The following NDST1 variants were observed in gnomAD, a reference collection of about 807,000 sequenced individuals.
NDST1 encodes the protein N-deacetylase and N-sulfotransferase 1.
NDST1 carries 35 observed loss-of-function variants against 92.8 expected under a neutral mutation model. The observed-to-expected ratio is 0.38, with a 90% CI of 0.29 to 0.50. The LOEUF (loss-of-function observed/expected upper bound fraction) is 0.50, where lower values mean the gene tolerates loss of function less well. Ranked by LOEUF, NDST1 falls within the 20% of genes least tolerant of loss-of-function variation. The pLI is 0.94. For missense variants in NDST1, 822 were observed against 1,182.7 expected (o/e 0.69, Z 4.47); for synonymous variants, 493 against 500.3 (o/e 0.99, Z 0.19).
chr5:150,524,156 TG>T lies in NDST1; in HGVS notation c.513+2392del, dbSNP rs572952272. On this transcript the variant is annotated intron_variant, in intron 2 of 14. Coordinates refer to ENST00000261797, the MANE Select transcript of NDST1 (RefSeq NM_001543.5). The stretch of plus-strand genomic sequence containing the variant: ...TCTGTCATTTAGAAACAGAGTGACT[TG>T]GGTAAAATGCTCAACTCATCTGCAA... Among the ~76,000 whole-genome samples the T allele has an allele frequency of 1.2e-4, 18 of 152,252 alleles. No individual in the cohort carries two copies. In the East Asian group the frequency reaches 3.3e-3, roughly 28 times the overall value.
chr5:150,510,168 A>G (rs1196953851), intron 1 of NDST1, among the ~76,000 whole-genome samples: 11 of 152,218 alleles, frequency 7.2e-5, no homozygotes, highest in Non-Finnish European at 1.5e-5. Flanking sequence ...TAAAGTGCTC[A>G]TAGCAGTGAC....
In NDST1 at chr5:150,556,801, C is replaced by T. The variant is rs2151310215; in HGVS notation, c.*3469C>T. Reference sequence around the variant, plus strand: ...TGTATTCAAATCCCCCCAATTGTCTCCCAGGTAACTTATGTGTCTGGTTTT... The same window carrying T: ...TGTATTCAAATCCCCCCAATTGTCTTCCAGGTAACTTATGTGTCTGGTTTT... On this transcript the variant is annotated 3_prime_UTR_variant, in exon 15 of 15. Transcript: ENST00000261797. The T allele has an allele frequency of 6.5e-6, 1 of 152,712 alleles. No individual in the cohort carries two copies. The highest frequency in any genetic ancestry group is 1.5e-5 in the Non-Finnish European group (1 of 68,042). 9.5% of individuals were successfully genotyped at this position (152,712 alleles called of 1,614,324 possible). A position where few individuals can be genotyped will look rare whatever the true frequency, so the allele number is the denominator to read the frequency against.
At chr5:150,549,304 G>A (rs1166315920) in intron 12 of NDST1, among the ~76,000 whole-genome samples, 1 of 152,218 alleles carries the variant, frequency 6.6e-6, no homozygotes, top group Non-Finnish European at 1.5e-5. Flanking sequence ...GAGCCACCGT[G>A]CCCGGCCATG....
Position 150,546,488 on chromosome 5 carries a change from C to T in NDST1, c.2145+1002C>T, listed in dbSNP as rs117833749. Among the ~76,000 whole-genome samples, 187 of 152,324 alleles carry T rather than the reference C, an allele frequency of 1.2e-3. 2 individuals carry two copies. The East Asian group carries it at 0.025, about 20-fold the overall frequency. On this transcript the variant is annotated intron_variant, in intron 11 of 14. Transcript: ENST00000261797. ...AAGTGGCGCCCCAGCAGAAAGCCAC[C>T]CTGTTGTCCAGGCCGAGGTCCTGAG...
intron 6 of NDST1, 62 bp from the exon 7 acceptor site, chr5:150,539,166 A>G: frequency 7.3e-7 from 1 of 1,363,024 alleles, no homozygotes; most frequent in East Asian, 2.3e-5. Flanking sequence ...TCTGAGGAAG[A>G]GTCCTCCCAC....
intron 11 of NDST1, 60 bp downstream of exon 11, chr5:150,545,546 G>A: frequency 6.3e-7 from 1 of 1,590,054 alleles, no homozygotes; most frequent in Non-Finnish European, 8.6e-7. Context: ...CTGACACTCA[G>A]TTACTCACTC....
chr5:150,527,810 G>T lies in NDST1; in HGVS notation c.520G>T (p.Glu174Ter). ...VGIIGFFKAN[E>*]NSLLSAQLKG... ...TGCCCTCCATTGACTGCAGGCCAAT[G>T]AGAACAGCCTGCTGAGTGCGCAGCT... The change falls in exon 3 of 15, where the codon GAG becomes TAG. Residue 174 changes from glutamate to a stop codon, truncating the protein, a stop_gained. Coordinates refer to ENST00000261797, the MANE Select transcript of NDST1 (RefSeq NM_001543.5). LOFTEE classifies it high-confidence loss of function. The T allele has an allele frequency of 6.2e-7, 1 of 1,613,836 alleles. No homozygotes were observed.
At chr5:150,518,692 C>T (rs529766753) in intron 1 of NDST1, 8 of 152,192 alleles carry the variant, frequency 5.3e-5, no homozygotes, top group East Asian at 1.9e-4. Flanking sequence ...ACAATACATA[C>T]GGTAATTATA....
chr5:150,509,950 G>A (rs941104644), intron 1 of NDST1, among the ~76,000 whole-genome samples: 1 of 152,082 alleles, frequency 6.6e-6, no homozygotes, highest in African/African-American at 2.4e-5. Flanking sequence ...GAGAAGCTGG[G>A]TCAGCAGCCC....
chr5:150,513,190 G>T (rs542125976), intron 1 of NDST1, among the ~76,000 whole-genome samples: 99 of 151,974 alleles, frequency 6.5e-4, no homozygotes, highest in African/African-American at 2.2e-3. Context: ...GAAAGACACT[G>T]TCTCAAAAAA....
At chr5:150,549,619 G>A (rs572582228) in intron 12 of NDST1, 59 bp from the exon 13 acceptor site, 112 of 1,008,662 alleles carry the variant, frequency 1.1e-4, no homozygotes, top group Middle Eastern at 6.4e-4. Flanking sequence ...TGCCGTGGCT[G>A]TTGCCCTTGT....
upstream of NDST1, among the ~76,000 whole-genome samples, chr5:150,503,996 TG>T (rs1341676206): frequency 1.3e-5 from 2 of 152,170 alleles, no homozygotes; most frequent in Non-Finnish European, 2.9e-5. Context: ...CACTGGACAC[TG>T]GGAGTGACCT....
chr5:150,549,754 TGACCAA>T lies in NDST1; in HGVS notation c.2394_2399del (p.Asn800_Thr801del). The T allele has an allele frequency of 6.2e-7, 1 of 1,613,560 alleles. No homozygotes were observed. The highest frequency in any genetic ancestry group is 8.5e-7 in the Non-Finnish European group (1 of 1,179,474). On this transcript the variant is annotated inframe_deletion, in exon 13 of 15. Coordinates refer to ENST00000261797, the MANE Select transcript of NDST1 (RefSeq NM_001543.5). Reference sequence around the variant, plus strand: ...GACATGGTGCAGAAGTTCCTTGGGGTGACCAACACCATTGACTACCACAAAACCTTG... The same window carrying T: ...GACATGGTGCAGAAGTTCCTTGGGGTCACCATTGACTACCACAAAACCTTG...
At chr5:150,528,360 G>A (rs1754564410) in intron 3 of NDST1, 62 bp downstream of exon 3, 4 of 1,530,660 alleles carry the variant, frequency 2.6e-6, no homozygotes, top group African/African-American at 2.7e-5. Flanking sequence ...CAGCCTTCAG[G>A]TGCCCCATCG....
chr5:150,528,320 C>CG, intron 3 of NDST1, 22 bp downstream of exon 3: 1 of 1,563,602 alleles, frequency 6.4e-7, no homozygotes, highest in African/African-American at 1.3e-5. Context: ...GGTGCTAGAC[C>CG]GGGCAAGGCA....
intron 2 of NDST1, 83 bp from the exon 3 acceptor site, chr5:150,527,721 A>G: frequency 6.3e-7 from 1 of 1,589,296 alleles, no homozygotes; most frequent in East Asian, 2.2e-5. Flanking sequence ...TACCACTGTT[A>G]TGGTCCACAT....
At position 150,540,241 on chromosome 5, in the gene NDST1, G is replaced by C. The variant is rs151090184; in HGVS notation, c.1726G>C (p.Glu576Gln). ...LAQKYFQIFS[E>Q]EKDPLWQDPC... ...GCAGAAGTACTTCCAGATCTTCTCC[G>C]AGGAGAAGGACCCGCTCTGGCAGGT... Residue 576 changes from glutamate to glutamine, a missense_variant, in exon 8 of 15, where the codon GAG (glutamate) becomes CAG (glutamine). By Grantham distance (29) the Glu-to-Gln change is conservative. Transcript: ENST00000261797. 3 of 1,610,876 alleles carry C rather than the reference G, an allele frequency of 1.9e-6. No individual in the cohort carries two copies. The highest frequency in any genetic ancestry group is 1.7e-4 in the Middle Eastern group (1 of 5,846).
chr5:150,503,825 A>C (rs1753333977), upstream of NDST1, among the ~76,000 whole-genome samples: 1 of 152,114 alleles, frequency 6.6e-6, no homozygotes, highest in Non-Finnish European at 1.5e-5. Context: ...ATTTTCCTTA[A>C]GGCCTCCTAT....
At chr5:150,509,616 G>A (rs1477693369) in intron 1 of NDST1, among the ~76,000 whole-genome samples, 5 of 152,132 alleles carry the variant, frequency 3.3e-5, no homozygotes, top group Admixed American at 2.6e-4. Flanking sequence ...AGGTTCAAGC[G>A]ATTCTCCTGC....
Sources: gnomAD v4.1 joint callset for allele counts (sites outside exome capture counted in the v4.1 genomes callset) on GRCh38, gnomAD v4.1.1 for gene constraint, MANE v1.5 for transcripts, NCBI Gene and HGNC (gene_info 2026-07-23, HGNC 2026-07-21) for gene names.